The following GPR33 variants were observed in gnomAD, a reference collection of about 807,000 sequenced individuals.
The protein encoded by GPR33 is G protein-coupled receptor 33.
GPR33 carries 4 observed loss-of-function variants against 3.1 expected under a neutral mutation model. That is an observed-to-expected ratio of 1.29 (90% CI 0.64 to 2.96). The LOEUF (loss-of-function observed/expected upper bound fraction) is 2.96, where lower values mean the gene tolerates loss of function less well. GPR33 is among the 30% of genes most tolerant of loss of function. The probability of loss-of-function intolerance (pLI) is 0.01; values close to 1 mark genes in which losing one functional copy is unlikely to be tolerated. For missense variants in GPR33, 390 were observed against 388.9 expected (o/e 1.00, Z -0.02); for synonymous variants, 138 against 142.0 (o/e 0.97, Z 0.20).
At position 31,483,560 on chromosome 14, in the gene GPR33, A is replaced by G; in HGVS notation, c.406T>C (p.Ser136Pro). Residue 136 changes from serine to proline, a missense_variant, in exon 2 of 2, where the codon TCC (serine) becomes CCC (proline). Ser to Pro is a moderately conservative substitution (Grantham distance 74). Coordinates refer to ENST00000399285, the MANE Select transcript of GPR33 (RefSeq NM_001197184.3). Reference protein sequence around the residue: ...RYLLTLHPVWSQQHRTPRWAS... With the variant: ...RYLLTLHPVWPQQHRTPRWAS... ...CAGCGCGGGGTTCGGTGCTGCTGGG[A>G]CCACACTGGGTGAAGAGTGAGAAGG... 6.5e-7 allele frequency: 1 copy of G among 1,536,146 alleles called. No homozygotes were observed. The highest frequency in any genetic ancestry group is 8.7e-7 in the Non-Finnish European group (1 of 1,146,912).
At position 31,483,957 on chromosome 14, in the gene GPR33, C is replaced by T; in HGVS notation, c.9G>A (p.Leu3=). Residue 3 remains leucine (L), a synonymous_variant, in exon 2 of 2, where the codon CTG becomes CTA. Coordinates refer to ENST00000399285, the MANE Select transcript of GPR33 (RefSeq NM_001197184.3). The part of the protein sequence containing the change: MD[L]INSTDYLINA... ...TGATCAGGTAATCAGTAGAGTTGAT[C>T]AGATCCATAATGACCTGTGGAGTGA... 6.5e-7 allele frequency: 1 copy of T among 1,533,358 alleles called. No individual in the cohort carries two copies. The highest frequency in any genetic ancestry group is 1.4e-5 in the African/African-American group (1 of 73,082). The allele number at this position is 1,533,358 out of a possible 1,614,324, so 95.0% of individuals were successfully genotyped here.
intron 1 of GPR33, among the ~76,000 whole-genome samples, chr14:31,485,410 C>T (rs567521590): frequency 3.9e-4 from 59 of 151,420 alleles, no homozygotes; most frequent in African/African-American, 1.4e-3. Flanking sequence ...CCGAGGTGGG[C>T]GGATCACAAG....
chr14:31,486,206 C>T (rs2032418083), intron 1 of GPR33, among the ~76,000 whole-genome samples: 1 of 152,166 alleles, frequency 6.6e-6, no homozygotes, highest in Non-Finnish European at 1.5e-5. Flanking sequence ...TTCATCAATC[C>T]TCCCGCCTCA....
chr14:31,483,733 G>A lies in GPR33; in HGVS notation c.233C>T (p.Thr78Ile), dbSNP rs1308194715. Residue 78 changes from threonine to isoleucine, a missense_variant, in exon 2 of 2, where the codon ACA (threonine) becomes ATA (isoleucine). Coordinates refer to ENST00000399285, the MANE Select transcript of GPR33 (RefSeq NM_001197184.3). Reference sequence around the variant, plus strand: ...GGTGGCCATAAATGGCAGAATCATTGTTGAAATAAAATAAGAGAGAATGAG... The same window carrying A: ...GGTGGCCATAAATGGCAGAATCATTATTGAAATAAAATAAGAGAGAATGAG... Reference protein sequence around the residue: ...FHLILSYFISTMILPFMATSQ... With the variant: ...FHLILSYFISIMILPFMATSQ... The A allele has an allele frequency of 1.6e-5, 24 of 1,536,104 alleles. No homozygotes were observed. Among genetic ancestry groups the A allele is most frequent in the Non-Finnish European group, 2.0e-5 (23 of 1,146,904 alleles).
chr14:31,485,654 A>G (rs1463532424), intron 1 of GPR33, among the ~76,000 whole-genome samples: 1 of 151,578 alleles, frequency 6.6e-6, no homozygotes. Context: ...AAAAAAAAAA[A>G]ATTCTGTTTT....
At chr14:31,487,321 A>G (rs2032429175) in intron 1 of GPR33, among the ~76,000 whole-genome samples, 1 of 151,642 alleles carries the variant, frequency 6.6e-6, no homozygotes, top group Non-Finnish European at 1.5e-5. Flanking sequence ...AATGGGGCAG[A>G]TCTCAGACTC....
In GPR33 at chr14:31,488,007, A is replaced by G. The variant is rs893945535; in HGVS notation, c.-117T>C. On this transcript the variant is annotated 5_prime_UTR_variant, in exon 1 of 2. It removes an upstream start codon present in the reference 5' UTR. Transcript: ENST00000399285. Reference sequence around the variant, plus strand: ...ACAAAATCAGTGACACTTTGCCTTCATTTCATATGTCTTTCTTCTTGCTGA... The same window carrying G: ...ACAAAATCAGTGACACTTTGCCTTCGTTTCATATGTCTTTCTTCTTGCTGA... 2.0e-5 allele frequency: 3 copies of G among 152,154 alleles called. No homozygotes were observed. The highest frequency in any genetic ancestry group is 4.4e-5 in the Non-Finnish European group (3 of 68,034). 9.4% of individuals were successfully genotyped at this position (152,154 alleles called of 1,614,324 possible).
chr14:31,486,112 T>A (rs2032417178), intron 1 of GPR33, among the ~76,000 whole-genome samples: 1 of 152,236 alleles, frequency 6.6e-6, no homozygotes, highest in South Asian at 2.1e-4. Flanking sequence ...TTTGTTTATT[T>A]TTTAGAGACA....
chr14:31,483,544 G>A lies in GPR33; in HGVS notation c.422C>T (p.Thr141Ile). The change falls in exon 2 of 2, where the codon ACC (threonine) becomes ATC (isoleucine). Residue 141 changes from threonine (T) to isoleucine (I), a missense_variant. Physicochemically the swap from Thr to Ile is moderately conservative, Grantham distance 89. Coordinates refer to ENST00000399285, the MANE Select transcript of GPR33 (RefSeq NM_001197184.3). Reference sequence around the variant, plus strand: ...GACAATGCTGGAAGCCCAGCGCGGGGTTCGGTGCTGCTGGGACCACACTGG... The same window carrying A: ...GACAATGCTGGAAGCCCAGCGCGGGATTCGGTGCTGCTGGGACCACACTGG... The part of the protein sequence containing the change: ...LHPVWSQQHR[T>I]PRWASSIVLG... 1.3e-6 allele frequency: 2 copies of A among 1,536,164 alleles called. No individual in the cohort carries two copies. The highest frequency in any genetic ancestry group is 1.7e-6 in the Non-Finnish European group (2 of 1,146,916).
At position 31,483,867 on chromosome 14, in the gene GPR33, G is replaced by A. The variant is rs1204852845; in HGVS notation, c.99C>T (p.Ala33=). The A allele has an allele frequency of 6.5e-7, 1 of 1,536,042 alleles. No homozygotes were observed. Among genetic ancestry groups the A allele is most frequent in the Non-Finnish European group, 8.7e-7 (1 of 1,146,870 alleles). ...FLAPASKMII[A]LSLYISSIIG... is the part of the protein sequence containing the mutation. ...TTATAGATGAAATGTACAAAGAAAG[G>A]GCAATAATCATTTTTGATGCAGGAG... Residue 33 remains alanine (A), a synonymous_variant, in exon 2 of 2, where the codon GCC becomes GCT. Coordinates refer to ENST00000399285, the MANE Select transcript of GPR33 (RefSeq NM_001197184.3).
intron 1 of GPR33, among the ~76,000 whole-genome samples, chr14:31,485,697 C>T (rs1042039646): frequency 1.3e-5 from 2 of 150,572 alleles, no homozygotes; most frequent in African/African-American, 4.9e-5. Flanking sequence ...AATCTTTGAA[C>T]AGAGGGGAAA....
At position 31,483,942 on chromosome 14, in the gene GPR33, A is replaced by G; in HGVS notation, c.24T>C (p.Asp8=). 6.5e-7 allele frequency: 1 copy of G among 1,535,264 alleles called. No homozygotes were observed. The highest frequency in any genetic ancestry group is 8.7e-7 in the Non-Finnish European group (1 of 1,146,530). The change falls in exon 2 of 2, where the codon GAT becomes GAC. Residue 8 remains aspartate, a synonymous_variant. Coordinates refer to ENST00000399285, the MANE Select transcript of GPR33 (RefSeq NM_001197184.3). ...CTAAAGTAGAGGCATTGATCAGGTA[A>G]TCAGTAGAGTTGATCAGATCCATAA... MDLINST[D]YLINASTLVR...
intron 1 of GPR33, among the ~76,000 whole-genome samples, chr14:31,484,652 G>A (rs1172002814): frequency 1.3e-5 from 2 of 152,110 alleles, no homozygotes; most frequent in South Asian, 2.1e-4. Context: ...TCTTGAATAA[G>A]GCAATGTAGA....
At chr14:31,484,590 T>C (rs932317418) in intron 1 of GPR33, among the ~76,000 whole-genome samples, 1 of 152,182 alleles carries the variant, frequency 6.6e-6, no homozygotes, top group South Asian at 2.1e-4. Flanking sequence ...TGGCCAAAAA[T>C]CTTCTACTTG....
Position 31,483,194 on chromosome 14 carries a change from A to C in GPR33, c.772T>G (p.Trp258Gly). The C allele has an allele frequency of 1.3e-6, 2 of 1,536,152 alleles. No individual in the cohort carries two copies. The highest frequency in any genetic ancestry group is 1.7e-6 in the Non-Finnish European group (2 of 1,146,900). ...CCCTGGTGTATATGGTAGGGCATCC[A>C]ACACACAAAGAAAGAGATAATGGCA... Reference protein sequence around the residue: ...MTAIISFFVCWMPYHIHQGLL... With the variant: ...MTAIISFFVCGMPYHIHQGLL... Residue 258 changes from tryptophan to glycine, a missense_variant, in exon 2 of 2, where the codon TGG becomes GGG. By Grantham distance (184) the Trp-to-Gly change is radical. Transcript: ENST00000399285.
chr14:31,484,072 G>A (rs1230355635), intron 1 of GPR33, 101 bp from the exon 2 acceptor site: 3 of 918,544 alleles, frequency 3.3e-6, no homozygotes, highest in Non-Finnish European at 4.7e-6. Flanking sequence ...GATACTTCTA[G>A]TCCAAATGAT....
In GPR33 at chr14:31,483,553, T is replaced by C. The variant is rs1317543769; in HGVS notation, c.413A>G (p.Gln138Arg). 6.5e-7 allele frequency: 1 copy of C among 1,536,166 alleles called. No individual in the cohort carries two copies. The highest frequency in any genetic ancestry group is 8.7e-7 in the Non-Finnish European group (1 of 1,146,912). ...GGAAGCCCAGCGCGGGGTTCGGTGC[T>C]GCTGGGACCACACTGGGTGAAGAGT... ...LLTLHPVWSQ[Q>R]HRTPRWASSI... Residue 138 changes from glutamine to arginine, a missense_variant, in exon 2 of 2, where the codon CAG (glutamine) becomes CGG (arginine). Gln to Arg is a conservative substitution (Grantham distance 43). Transcript: ENST00000399285.
rs752227440 is a variant in GPR33, at chr14:31,487,432, G to GTTTTTTTT, written c.-7+457_-7+464dup. Among the ~76,000 whole-genome samples, 10 of 70,390 alleles carry GTTTTTTTT rather than the reference G, an allele frequency of 1.4e-4. 2 individuals carry two copies. The highest frequency in any genetic ancestry group is 1.7e-4 in the African/African-American group (3 of 17,516). The allele number at this position is 70,390 out of a possible 152,430, so 46.2% of individuals were successfully genotyped here. A position where few individuals can be genotyped will look rare whatever the true frequency, so the allele number is the denominator to read the frequency against. ...ACTTTTTCTCCTGCTAAGCCCCTCA[G>GTTTTTTTT]TTTTTTTTTTTTTTTTTTTTTTTTT... On this transcript the variant is annotated intron_variant, in intron 1 of 1. Transcript: ENST00000399285.
At chr14:31,487,265 T>G (rs1170425983) in intron 1 of GPR33, among the ~76,000 whole-genome samples, 1 of 152,092 alleles carries the variant, frequency 6.6e-6, no homozygotes, top group African/African-American at 2.4e-5. Context: ...GATTTCTTCA[T>G]CCTTAAACAC....
Sources: allele counts gnomAD v4.1 joint callset (sites outside exome capture counted in the v4.1 genomes callset), GRCh38; gene constraint gnomAD v4.1.1; transcripts MANE v1.5; gene names NCBI Gene and HGNC (gene_info 2026-07-23, HGNC 2026-07-21).